SYTL3: variants seen among roughly 807,000 people sequenced by gnomAD.
SYTL3 encodes synaptotagmin-like protein 3.
Under a neutral mutation model 82.1 loss-of-function variants are expected in SYTL3, and 88 were observed. That is an observed-to-expected ratio of 1.07 (90% CI 0.90 to 1.28). The LOEUF (loss-of-function observed/expected upper bound fraction) is 1.28, where lower values mean the gene tolerates loss of function less well. Among genes scored for constraint, SYTL3 ranks in the 50% most tolerant of loss-of-function variants. The pLI, the probability that SYTL3 is intolerant of heterozygous loss-of-function variation, is 0.00. For synonymous variants in SYTL3, 311 were observed against 289.4 expected (o/e 1.07, Z -0.76); for missense variants, 831 against 757.6 (o/e 1.10, Z -1.14).
chr6:158,756,162 C>G (rs1397030790), intron 13 of SYTL3, among the ~76,000 whole-genome samples: 3 of 152,232 alleles, frequency 2.0e-5, no homozygotes, highest in Non-Finnish European at 4.4e-5. Context: ...TTGGGAAGGG[C>G]TGGGTGCCAC....
At chr6:158,667,507 G>T (rs114692315) in intron 5 of SYTL3, among the ~76,000 whole-genome samples, 2,274 of 152,172 alleles carry the variant, frequency 0.015, 58 homozygotes, top group African/African-American at 0.052. Flanking sequence ...TATCCAGTCT[G>T]GGCTGTCCTC....
At chr6:158,653,301 G>GT (rs1405366123) in intron 2 of SYTL3, among the ~76,000 whole-genome samples, 2 of 152,056 alleles carry the variant, frequency 1.3e-5, no homozygotes, top group African/African-American at 4.8e-5. Context: ...GAGGTTGGGA[G>GT]TTTGAGACCA....
chr6:158,692,664 G>A lies in SYTL3; in HGVS notation c.394+9675G>A, dbSNP rs1015453609. The stretch of plus-strand genomic sequence containing the variant: ...AAAAGAAGCAGGTGCCAGGCCGGGC[G>A]CGGTGGCTCACGCCTGTAATCCCAG... On this transcript the variant is annotated intron_variant, in intron 6 of 17. Coordinates refer to ENST00000611299, the MANE Select transcript of SYTL3 (RefSeq NM_001242394.2). Among the ~76,000 whole-genome samples the A allele has an allele frequency of 9.2e-4, 139 of 151,754 alleles. 1 individual carries two copies. The highest frequency in any genetic ancestry group is 1.6e-3 in the Non-Finnish European group (107 of 67,976).
At chr6:158,762,422 A>G (rs1200186425) in intron 16 of SYTL3, among the ~76,000 whole-genome samples, 2 of 152,100 alleles carry the variant, frequency 1.3e-5, no homozygotes, top group African/African-American at 4.8e-5. Flanking sequence ...CAGTTTTGAA[A>G]TCAAGCATGA....
chr6:158,668,824 A>G (rs1280242035), intron 5 of SYTL3, among the ~76,000 whole-genome samples: 1 of 152,194 alleles, frequency 6.6e-6, no homozygotes, highest in East Asian at 1.9e-4. Flanking sequence ...AGTGATTCTG[A>G]GGACTGGCCA....
chr6:158,696,690 CT>C (rs752790741), intron 6 of SYTL3, among the ~76,000 whole-genome samples: 1 of 149,696 alleles, frequency 6.7e-6, no homozygotes, highest in Admixed American at 6.7e-5. Flanking sequence ...AGTTCTTTGC[CT>C]TTTTTTTTAA....
Position 158,764,788 on chromosome 6 carries a change from T to C in SYTL3, c.*184T>C, listed in dbSNP as rs1300761961. ...TGTGTATATTTACGTTAAACACAAT[T>C]ATGTTACCTAAGCCTCTGGTGGGTT... On this transcript the variant is annotated 3_prime_UTR_variant, in exon 18 of 18. Transcript: ENST00000611299. 1.9e-6 allele frequency: 1 copy of C among 516,270 alleles called. No homozygotes were observed. Among genetic ancestry groups the C allele is most frequent in the Non-Finnish European group, 3.5e-6 (1 of 288,856 alleles). The allele number at this position is 516,270 out of a possible 1,614,324, so 32.0% of individuals were successfully genotyped here.
chr6:158,646,879 G>A (rs1299701889), upstream of SYTL3, among the ~76,000 whole-genome samples: 1 of 152,114 alleles, frequency 6.6e-6, no homozygotes, highest in Admixed American at 6.5e-5. Context: ...GATGTTCTCT[G>A]CCTACCTGGT....
chr6:158,709,708 A>G (rs750668936), intron 8 of SYTL3, among the ~76,000 whole-genome samples: 5 of 152,226 alleles, frequency 3.3e-5, no homozygotes, highest in South Asian at 2.1e-4. Context: ...CCTGAGTGCT[A>G]TCATCCTGAA....
intron 11 of SYTL3, among the ~76,000 whole-genome samples, chr6:158,743,476 C>T (rs1787190794): frequency 6.9e-6 from 1 of 144,468 alleles, no homozygotes; most frequent in African/African-American, 2.5e-5. Flanking sequence ...TCATTAGCTT[C>T]TCCGTTCATC....
At chr6:158,690,950 T>G (rs539036924) in intron 6 of SYTL3, among the ~76,000 whole-genome samples, 1 of 152,260 alleles carries the variant, frequency 6.6e-6, no homozygotes. Flanking sequence ...TTTAATGTGG[T>G]TCCTGGACCC....
intron 1 of SYTL3, 97 bp downstream of exon 1, chr6:158,650,175 A>G (rs2128342136): frequency 6.6e-6 from 1 of 152,280 alleles, no homozygotes; most frequent in East Asian, 1.9e-4. Context: ...CTTTTCTTAA[A>G]TTTATGACAT....
chr6:158,712,010 T>C (rs1459727856), intron 8 of SYTL3, among the ~76,000 whole-genome samples: 1 of 152,192 alleles, frequency 6.6e-6, no homozygotes, highest in Non-Finnish European at 1.5e-5. Context: ...TGCAGCCCAG[T>C]AGGTCTCGGC....
chr6:158,762,207 TTGG>T, intron 16 of SYTL3, 29 bp downstream of exon 16: 1 of 1,522,740 alleles, frequency 6.6e-7, no homozygotes, highest in Non-Finnish European at 9.1e-7. Flanking sequence ...CAAATATTTA[TTGG>T]TGATCTAGTA....
chr6:158,728,912 C>T (rs1196787899), intron 11 of SYTL3, among the ~76,000 whole-genome samples: 5 of 151,994 alleles, frequency 3.3e-5, no homozygotes, highest in East Asian at 1.9e-4. Flanking sequence ...TGATGGCAGG[C>T]GCCTGTAGTC....
chr6:158,738,247 G>T (rs1342805882), intron 11 of SYTL3, among the ~76,000 whole-genome samples: 1 of 152,074 alleles, frequency 6.6e-6, no homozygotes, highest in Non-Finnish European at 1.5e-5. Flanking sequence ...GATTAACACA[G>T]TTTTTTTGCT....
intron 1 of SYTL3, among the ~76,000 whole-genome samples, chr6:158,650,358 T>C (rs1359480343): frequency 2.0e-5 from 3 of 152,124 alleles, no homozygotes; most frequent in Non-Finnish European, 1.5e-5. Flanking sequence ...AAAAGCTATA[T>C]GGTGTGATTT....
chr6:158,719,861 G>A (rs1583358778), intron 10 of SYTL3, among the ~76,000 whole-genome samples: 1 of 152,290 alleles, frequency 6.6e-6, no homozygotes, highest in East Asian at 1.9e-4. Flanking sequence ...AAGCCGAGGT[G>A]GGCAGATTGC....
At chr6:158,760,573 C>T in intron 14 of SYTL3, 67 bp from the exon 15 acceptor site, 3 of 1,410,944 alleles carry the variant, frequency 2.1e-6, no homozygotes, top group South Asian at 2.3e-5. Flanking sequence ...CTGAGACAAC[C>T]AGAGGAACCC....
Sources: gnomAD v4.1 joint callset for allele counts (sites outside exome capture counted in the v4.1 genomes callset) on GRCh38, gnomAD v4.1.1 for gene constraint, MANE v1.5 for transcripts, NCBI Gene and HGNC (gene_info 2026-07-23, HGNC 2026-07-21) for gene names.